Variants in GPM6A observed in about 807,000 individuals in gnomAD.
GPM6A encodes the protein glycoprotein M6A, also known as neuronal membrane glycoprotein M6-a.
GPM6A carries 7 observed loss-of-function variants against 32.1 expected under a neutral mutation model. The ratio of observed to expected loss-of-function variants is 0.22; its 90% confidence interval spans 0.12 to 0.41. GPM6A has a LOEUF of 0.41. Ranked by LOEUF, GPM6A falls within the 10% of genes least tolerant of loss-of-function variation. GPM6A has a pLI of 1.00. For synonymous variants in GPM6A, 130 were observed against 123.4 expected, an observed-to-expected ratio of 1.05 and a Z score of -0.35; for missense variants, 235 against 347.2, an observed-to-expected ratio of 0.68 and a Z score of 2.57.
intron 1 of GPM6A, among the ~76,000 whole-genome samples, chr4:175,779,946 T>C (rs1195273777): frequency 1.3e-5 from 2 of 151,810 alleles, no homozygotes; most frequent in Non-Finnish European, 2.9e-5. Context: ...AAGGGTAATA[T>C]AACTATAATA....
chr4:175,646,058 T>C (rs1001765970), intron 4 of GPM6A, among the ~76,000 whole-genome samples: 3 of 152,134 alleles, frequency 2.0e-5, no homozygotes, highest in African/African-American at 7.2e-5. Context: ...GCCCTACTTT[T>C]CATTTTTAAG....
chr4:175,886,683 GA>G (rs202060075), intron 1 of GPM6A, among the ~76,000 whole-genome samples: 126 of 145,258 alleles, frequency 8.7e-4, no homozygotes, highest in African/African-American at 2.7e-3. Flanking sequence ...ATACAACAGA[GA>G]AAAAAAAAGA....
intron 1 of GPM6A, among the ~76,000 whole-genome samples, chr4:175,705,168 C>T (rs1418070646): frequency 2.0e-5 from 3 of 152,094 alleles, no homozygotes; most frequent in East Asian, 1.9e-4. Context: ...AAGAAAAGCC[C>T]GAGATAAATT....
chr4:175,910,456 C>A (rs569632594), intron 1 of GPM6A, among the ~76,000 whole-genome samples: 1 of 152,186 alleles, frequency 6.6e-6, no homozygotes, highest in South Asian at 2.1e-4. Context: ...ACATAATTCA[C>A]TCTCTCAGCC....
chr4:175,838,655 T>G (rs1353542880), intron 1 of GPM6A, among the ~76,000 whole-genome samples: 2 of 129,680 alleles, frequency 1.5e-5, no homozygotes, highest in Non-Finnish European at 3.3e-5. Flanking sequence ...TTTTTTTTTT[T>G]TTTTTTTTTT....
At chr4:176,001,104 G>A (rs1579701044) in intron 1 of GPM6A, among the ~76,000 whole-genome samples, 3 of 152,196 alleles carry the variant, frequency 2.0e-5, no homozygotes, top group Non-Finnish European at 4.4e-5. Context: ...CTTCCAAGTT[G>A]GCTACTGTCT....
At chr4:175,873,688 C>T (rs1283213621) in intron 1 of GPM6A, among the ~76,000 whole-genome samples, 4 of 151,974 alleles carry the variant, frequency 2.6e-5, no homozygotes, top group African/African-American at 4.8e-5. Flanking sequence ...TTTCAGGATG[C>T]GTAATTTTAA....
chr4:175,919,293 A>T (rs908396304), intron 1 of GPM6A, among the ~76,000 whole-genome samples: 2 of 152,152 alleles, frequency 1.3e-5, no homozygotes, highest in Non-Finnish European at 1.5e-5. Flanking sequence ...AATTCTGTGT[A>T]TCATAAAAGG....
chr4:175,964,428 C>A (rs1423764353), intron 1 of GPM6A, among the ~76,000 whole-genome samples: 2 of 152,226 alleles, frequency 1.3e-5, no homozygotes, highest in Non-Finnish European at 2.9e-5. Context: ...CAAAGTACCA[C>A]ATTGACTGGG....
chr4:175,873,873 A>G (rs937852786), intron 1 of GPM6A, among the ~76,000 whole-genome samples: 1 of 152,192 alleles, frequency 6.6e-6, no homozygotes, highest in African/African-American at 2.4e-5. Context: ...ATGCTTAATT[A>G]TCTTTGTTTA....
At chr4:175,702,659 C>A (rs552690987) in intron 1 of GPM6A, among the ~76,000 whole-genome samples, 1 of 152,240 alleles carries the variant, frequency 6.6e-6, no homozygotes, top group South Asian at 2.1e-4. Context: ...GAGCTACAGG[C>A]ACACACCTCC....
At chr4:175,901,708 C>T (rs1375527208) in intron 1 of GPM6A, among the ~76,000 whole-genome samples, 3 of 144,784 alleles carry the variant, frequency 2.1e-5, no homozygotes, top group African/African-American at 7.7e-5. Context: ...TGTAATGCAA[C>T]CTCCGCCTCC....
intron 4 of GPM6A, chr4:175,642,136 T>A (rs1423542002): frequency 6.6e-6 from 1 of 152,222 alleles, no homozygotes; most frequent in Non-Finnish European, 1.5e-5. Flanking sequence ...AAAAATCTAT[T>A]TGCAGTAAAC....
At chr4:175,866,039 T>C (rs1281511204) in intron 1 of GPM6A, among the ~76,000 whole-genome samples, 2 of 152,246 alleles carry the variant, frequency 1.3e-5, no homozygotes, top group African/African-American at 4.8e-5. Context: ...CAGTGAACTT[T>C]AGTAGTTTAA....
intron 2 of GPM6A, among the ~76,000 whole-genome samples, chr4:175,677,214 T>G (rs1743419597): frequency 6.6e-6 from 1 of 152,186 alleles, no homozygotes; most frequent in Non-Finnish European, 1.5e-5. Flanking sequence ...GTGTGAAGAA[T>G]GAACACATTT....
intron 2 of GPM6A, among the ~76,000 whole-genome samples, chr4:175,687,686 T>A (rs1579385703): frequency 6.6e-6 from 1 of 152,180 alleles, no homozygotes; most frequent in South Asian, 2.1e-4. Context: ...TTTGTATTAA[T>A]ACCCGGAAAT....
At chr4:175,827,026 G>C (rs1735460605) in intron 1 of GPM6A, among the ~76,000 whole-genome samples, 2 of 152,018 alleles carry the variant, frequency 1.3e-5, no homozygotes, top group African/African-American at 4.8e-5. Flanking sequence ...AAATGTTTTA[G>C]GTACAAGATC....
intron 1 of GPM6A, among the ~76,000 whole-genome samples, chr4:175,804,891 A>T (rs1734624235): frequency 6.6e-6 from 1 of 152,056 alleles, no homozygotes. Context: ...TAAAAACACA[A>T]AAAATTAGCT....
chr4:175,924,253 A>T (rs1450792215), intron 1 of GPM6A, among the ~76,000 whole-genome samples: 1 of 152,084 alleles, frequency 6.6e-6, no homozygotes, highest in Non-Finnish European at 1.5e-5. Context: ...TACTCAAATC[A>T]CCTTACAGAA....
Sources: allele counts gnomAD v4.1 joint callset (sites outside exome capture counted in the v4.1 genomes callset), GRCh38; gene constraint gnomAD v4.1.1; transcripts MANE v1.5; gene names NCBI Gene and HGNC (gene_info 2026-07-23, HGNC 2026-07-21).